The following ZNF18 variants were observed in gnomAD, a reference collection of about 807,000 sequenced individuals.
ZNF18 encodes the protein zinc finger protein 18.
A neutral mutation model predicts 58.1 loss-of-function variants in ZNF18; 42 were observed. The observed-to-expected ratio is 0.72, with a 90% CI of 0.56 to 0.93. The LOEUF (loss-of-function observed/expected upper bound fraction) is 0.93, where lower values mean the gene tolerates loss of function less well. Among genes scored for constraint, ZNF18 ranks in the 40% least tolerant of loss-of-function variants. The pLI is 0.00. For synonymous variants in ZNF18, 231 were observed against 239.8 expected (o/e 0.96, Z 0.34); for missense variants, 540 against 644.2 (o/e 0.84, Z 1.75).
intron 1 of ZNF18, 33 bp downstream of exon 1, chr17:11,997,398 C>T (rs1293820588): frequency 6.6e-6 from 1 of 152,226 alleles, no homozygotes; most frequent in Non-Finnish European, 1.5e-5. Context: ...CCCGAGCGGC[C>T]GGAGGCCGGG....
intron 6 of ZNF18, among the ~76,000 whole-genome samples, chr17:11,982,117 G>A (rs1567599604): frequency 6.6e-6 from 1 of 151,996 alleles, no homozygotes; most frequent in Admixed American, 6.5e-5. Context: ...GACACAGCAA[G>A]AAAAGCGAGG....
At chr17:12,020,949 C>G in the ZNF18 span, 4 of 1,217,542 alleles carry the variant, frequency 3.3e-6, no homozygotes, top group Non-Finnish European at 4.1e-6. Context: ...GCGGCACCCC[C>G]GGCCCCGTAG....
the ZNF18 span, among the ~76,000 whole-genome samples, chr17:12,014,095 A>G: frequency 1.3e-5 from 2 of 152,262 alleles, no homozygotes; most frequent in African/African-American, 4.8e-5. Context: ...CTCAAAACAT[A>G]ATGTTGTTCA....
intron 4 of ZNF18, among the ~76,000 whole-genome samples, chr17:11,984,935 G>A (rs894370108): frequency 2.0e-5 from 3 of 152,182 alleles, no homozygotes; most frequent in African/African-American, 7.2e-5. Context: ...AGCAAAGAAA[G>A]AAGTTAAAAA....
At chr17:11,978,836 T>TTTTC in intron 6 of ZNF18, 92 bp from the exon 7 acceptor site, 2 of 554,072 alleles carry the variant, frequency 3.6e-6, no homozygotes, top group East Asian at 8.0e-5. Flanking sequence ...AAAACATTCA[T>TTTTC]TTTCTTTTTT....
chr17:12,008,177 A>G, the ZNF18 span, among the ~76,000 whole-genome samples: 1 of 152,216 alleles, frequency 6.6e-6, no homozygotes, highest in African/African-American at 2.4e-5. Flanking sequence ...TTAAGCTTAC[A>G]GGGTTCTATC....
At chr17:11,984,517 G>GTTT (rs36063923) in intron 4 of ZNF18, among the ~76,000 whole-genome samples, 1 of 143,858 alleles carries the variant, frequency 7.0e-6, no homozygotes. Context: ...TTTTATTTGG[G>GTTT]TTTTTTTTTT....
chr17:12,005,335 A>C, the ZNF18 span, among the ~76,000 whole-genome samples: 1 of 152,112 alleles, frequency 6.6e-6, no homozygotes, highest in Admixed American at 6.5e-5. Context: ...CATACATGAA[A>C]ATCAATACAC....
At position 11,989,496 on chromosome 17, in the gene ZNF18, G is replaced by GA. The variant is rs775106137; in HGVS notation, c.666+965dup. On this transcript the variant is annotated intron_variant, in intron 4 of 6. Coordinates refer to ENST00000580306, the MANE Select transcript of ZNF18 (RefSeq NM_001303281.2). Reference sequence around the variant, plus strand: ...TATTCCATATGTTCAAGAAGCTAGAGAAAAAATTGAACACATTAAGTATAG... The same window carrying GA: ...TATTCCATATGTTCAAGAAGCTAGAGAAAAAAATTGAACACATTAAGTATAG... Among the ~76,000 whole-genome samples, 15 of 152,096 alleles carry GA rather than the reference G, an allele frequency of 9.9e-5. No individual in the cohort carries two copies. In the East Asian group the frequency reaches 1.2e-3, roughly 12 times the overall value.
the ZNF18 span, among the ~76,000 whole-genome samples, chr17:12,011,881 A>G: frequency 6.6e-6 from 1 of 150,562 alleles, no homozygotes; most frequent in Non-Finnish European, 1.5e-5. Context: ...TTGTATTTTT[A>G]GTAGAGATGG....
At position 11,978,361 on chromosome 17, in the gene ZNF18, TCTTCCCACACTCC is replaced by T; in HGVS notation, c.1233_1245del (p.Glu412ProfsTer37). On this transcript the variant is annotated frameshift_variant, in exon 7 of 7. Coordinates refer to ENST00000580306, the MANE Select transcript of ZNF18 (RefSeq NM_001303281.2). LOFTEE classifies it high-confidence loss of function. ...ATAAGCTGAGAATTCCTATAAAAGG[TCTTCCCACACTCC>T]CTGCAGGTGGGGAGCTTCTGGGCCA... The T allele has an allele frequency of 6.4e-7, 1 of 1,569,976 alleles. No homozygotes were observed.
intron 1 of ZNF18, chr17:11,997,092 CAG>C (rs1259113587): frequency 6.6e-6 from 1 of 152,416 alleles, no homozygotes; most frequent in African/African-American, 2.4e-5. Flanking sequence ...TTTCCTCTTC[CAG>C]AGACTCATTT....
At position 11,984,151 on chromosome 17, in the gene ZNF18, T is replaced by G; in HGVS notation, c.713A>C (p.Asp238Ala). The change falls in exon 5 of 7, where the codon GAT becomes GCT. Residue 238 changes from aspartate to alanine, a missense_variant. Asp to Ala is a moderately radical substitution (Grantham distance 126). Coordinates refer to ENST00000580306, the MANE Select transcript of ZNF18 (RefSeq NM_001303281.2). ...LDSTQKEQYW[D>A]LMLETYGKMV... ...TTTCCCATAGGTCTCCAGCATGAGATCCCAGTATTGCTCCTTTTGAGTGGA... is the reference window on the plus strand; with the variant it reads ...TTTCCCATAGGTCTCCAGCATGAGAGCCCAGTATTGCTCCTTTTGAGTGGA... The G allele has an allele frequency of 6.2e-7, 1 of 1,611,310 alleles. No homozygotes were observed.
At chr17:12,013,644 A>G in the ZNF18 span, among the ~76,000 whole-genome samples, 1 of 152,010 alleles carries the variant, frequency 6.6e-6, no homozygotes, top group Non-Finnish European at 1.5e-5. Context: ...AGGTTTTTTC[A>G]TTCTTATGAC....
At chr17:11,981,896 C>T (rs537971278) in intron 6 of ZNF18, among the ~76,000 whole-genome samples, 3 of 152,260 alleles carry the variant, frequency 2.0e-5, no homozygotes, top group South Asian at 4.1e-4. Flanking sequence ...CAAATTCATA[C>T]GTTGAAACCC....
chr17:12,018,082 C>G, the ZNF18 span, among the ~76,000 whole-genome samples: 1 of 152,120 alleles, frequency 6.6e-6, no homozygotes, highest in Admixed American at 6.6e-5. Flanking sequence ...TTCATCTACT[C>G]TAGTGGGAAG....
At chr17:12,020,348 C>T in the ZNF18 span, among the ~76,000 whole-genome samples, 1 of 152,194 alleles carries the variant, frequency 6.6e-6, no homozygotes, top group African/African-American at 2.4e-5. Flanking sequence ...TGGGACTCCC[C>T]TTTCCCCTCA....
At chr17:11,985,768 G>C (rs915762493) in intron 4 of ZNF18, among the ~76,000 whole-genome samples, 4 of 152,168 alleles carry the variant, frequency 2.6e-5, no homozygotes, top group African/African-American at 9.7e-5. Context: ...GTCCTCAGTA[G>C]ATAATATATA....
chr17:12,006,511 G>A, the ZNF18 span, among the ~76,000 whole-genome samples: 3 of 152,166 alleles, frequency 2.0e-5, no homozygotes, highest in Non-Finnish European at 4.4e-5. Context: ...CTGTTATTGA[G>A]ATATCGTAAT....
Sources: gnomAD v4.1 joint callset for allele counts (sites outside exome capture counted in the v4.1 genomes callset) on GRCh38, gnomAD v4.1.1 for gene constraint, MANE v1.5 for transcripts, NCBI Gene and HGNC (gene_info 2026-07-23, HGNC 2026-07-21) for gene names.